Variants in SYCP2L observed in about 807,000 individuals in gnomAD.
The protein encoded by SYCP2L is synaptonemal complex protein 2-like.
A neutral mutation model predicts 125.8 loss-of-function variants in SYCP2L; 98 were observed. That is an observed-to-expected ratio of 0.78 (90% CI 0.66 to 0.92). The LOEUF is 0.92. Among genes scored for constraint, SYCP2L ranks in the 40% least tolerant of loss-of-function variants. The pLI is 0.00. For synonymous variants in SYCP2L, 317 were observed against 325.4 expected (o/e 0.97, Z 0.28); for missense variants, 842 against 936.4 (o/e 0.90, Z 1.32).
At chr6:10,918,253 A>G (rs568816904) in intron 14 of SYCP2L, among the ~76,000 whole-genome samples, 17 of 151,908 alleles carry the variant, frequency 1.1e-4, no homozygotes, top group South Asian at 4.2e-4. Flanking sequence ...TGCCTCGCCA[A>G]TGATCTTTTT....
At position 10,968,895 on chromosome 6, in the gene SYCP2L, T is replaced by G. The variant is rs558726767; in HGVS notation, c.*37+5052T>G. ...GCCCTGTGTTCTGCTGAATGGTCCATCAGCTGATGGTGGTACCACTTCGTG... is the reference window on the plus strand; with the variant it reads ...GCCCTGTGTTCTGCTGAATGGTCCAGCAGCTGATGGTGGTACCACTTCGTG... On this transcript the variant is annotated intron_variant, in intron 29 of 29. Transcript: ENST00000283141. Among the ~76,000 whole-genome samples the G allele has an allele frequency of 2.6e-5, 4 of 152,330 alleles. No individual in the cohort carries two copies. In the East Asian group the frequency reaches 7.7e-4, roughly 29 times the overall value.
At chr6:10,944,429 T>A (rs1327668194) in intron 23 of SYCP2L, among the ~76,000 whole-genome samples, 2 of 152,232 alleles carry the variant, frequency 1.3e-5, no homozygotes, top group African/African-American at 4.8e-5. Context: ...ATTATGTGGC[T>A]TGTAAATATC....
chr6:10,920,286 T>A (rs1283923389), intron 14 of SYCP2L, among the ~76,000 whole-genome samples: 1 of 152,168 alleles, frequency 6.6e-6, no homozygotes, highest in Non-Finnish European at 1.5e-5. Context: ...GGCGTGATCT[T>A]GGCTCACTGC....
intron 29 of SYCP2L, among the ~76,000 whole-genome samples, chr6:10,971,748 G>A (rs888970293): frequency 1.3e-5 from 2 of 152,002 alleles, no homozygotes; most frequent in African/African-American, 2.4e-5. Context: ...GCAGTGGCAC[G>A]ATCTTAGCTC....
rs552703062 is a variant in SYCP2L at position 10,918,146 on chromosome 6, C to T, written c.1072+5219C>T. On this transcript the variant is annotated intron_variant, in intron 14 of 29. Coordinates refer to ENST00000283141, the MANE Select transcript of SYCP2L (RefSeq NM_001040274.3). ...CCAGGAGGAGGAGTTTGCAGTGAGC[C>T]GAGATCGCGCCACCTTACTCCAGCC... 5.4e-5 allele frequency among the ~76,000 whole-genome samples: 8 copies of T among 148,860 alleles called. No homozygotes were observed. The South Asian group carries it at 8.5e-4, about 16-fold the overall frequency.
In SYCP2L at chr6:10,912,931, A is replaced by G. The variant is rs1310297449; in HGVS notation, c.1072+4A>G. On this transcript the variant is annotated splice_donor_region_variant and intron_variant, in intron 14 of 29. Coordinates refer to ENST00000283141, the MANE Select transcript of SYCP2L (RefSeq NM_001040274.3). This position sits in a 1 kb window ranked among gnomAD's most constrained non-coding sequence, Gnocchi z 4.1. ...GTGATGAATTTCAGCATAACAGGTA[A>G]TATGATACATTTAAACAACCCACGT... 2 of 1,613,076 alleles carry G rather than the reference A, an allele frequency of 1.2e-6. No homozygotes were observed. The highest frequency in any genetic ancestry group is 1.7e-6 in the Non-Finnish European group (2 of 1,179,708).
At chr6:10,906,145 T>C (rs1324663218) in intron 9 of SYCP2L, 91 bp downstream of exon 9, 7 of 715,690 alleles carry the variant, frequency 9.8e-6, no homozygotes, top group Admixed American at 2.3e-5. Context: ...GAATAAATTA[T>C]GGTTAAATTG....
intron 10 of SYCP2L, 27 bp from the exon 11 acceptor site, chr6:10,910,121 T>C: frequency 6.2e-7 from 1 of 1,602,644 alleles, no homozygotes; most frequent in Non-Finnish European, 8.5e-7. Flanking sequence ...TTTTTTTTAA[T>C]AAAAGTTTAT....
chr6:10,919,519 G>A (rs908984292), intron 14 of SYCP2L, among the ~76,000 whole-genome samples: 2 of 152,162 alleles, frequency 1.3e-5, no homozygotes, highest in African/African-American at 4.8e-5. Context: ...CTTAACTTTG[G>A]TAGTTTAATG....
intron 23 of SYCP2L, among the ~76,000 whole-genome samples, chr6:10,948,027 T>G (rs1352677193): frequency 6.6e-6 from 1 of 152,164 alleles, no homozygotes; most frequent in Non-Finnish European, 1.5e-5. Flanking sequence ...CTCCTTTGGT[T>G]TCTTTTTTTC....
At chr6:10,949,871 C>T (rs1336924356) in intron 23 of SYCP2L, among the ~76,000 whole-genome samples, 2 of 151,900 alleles carry the variant, frequency 1.3e-5, no homozygotes, top group Non-Finnish European at 2.9e-5. Context: ...ATTGTGCTTC[C>T]ATTGATATAT....
chr6:10,958,236 T>C (rs1363366203), intron 25 of SYCP2L, among the ~76,000 whole-genome samples: 1 of 152,102 alleles, frequency 6.6e-6, no homozygotes, highest in Admixed American at 6.5e-5. Context: ...AGAGGTTTAA[T>C]TAGCTCAAGG....
intron 22 of SYCP2L, 62 bp downstream of exon 22, chr6:10,942,591 A>G: frequency 6.3e-7 from 1 of 1,578,208 alleles, no homozygotes; most frequent in South Asian, 1.1e-5. Context: ...TTTGCATAAC[A>G]CATTGGCTAT....
At chr6:10,951,294 C>T (rs117621198) in intron 23 of SYCP2L, among the ~76,000 whole-genome samples, 3,616 of 152,042 alleles carry the variant, frequency 0.024, 151 homozygotes, top group East Asian at 0.2. Flanking sequence ...GGCATGGTGG[C>T]GTGTCCCTGT....
chr6:10,926,641 A>G (rs1780901504), intron 16 of SYCP2L, among the ~76,000 whole-genome samples: 2 of 152,124 alleles, frequency 1.3e-5, no homozygotes. Context: ...GACAAAGAAG[A>G]AATGATGGGG....
intron 10 of SYCP2L, 45 bp from the exon 11 acceptor site, chr6:10,910,103 A>G (rs775912192): frequency 2.6e-6 from 4 of 1,542,888 alleles, no homozygotes; most frequent in Non-Finnish European, 3.6e-6. Flanking sequence ...TAACTAAGAC[A>G]TCTTGATTTT....
intron 14 of SYCP2L, among the ~76,000 whole-genome samples, chr6:10,921,650 C>T (rs544083261): frequency 6.0e-5 from 9 of 151,202 alleles, no homozygotes; most frequent in South Asian, 2.1e-4. Flanking sequence ...TTTTTTCATA[C>T]GTTTGTTGGC....
intron 4 of SYCP2L, among the ~76,000 whole-genome samples, chr6:10,895,947 G>T (rs1204649775): frequency 6.6e-6 from 1 of 152,124 alleles, no homozygotes; most frequent in Non-Finnish European, 1.5e-5. Flanking sequence ...GAGGTCAGGG[G>T]TTCAAGACCA....
At chr6:10,924,817 A>G (rs1780869504) in intron 15 of SYCP2L, among the ~76,000 whole-genome samples, 176 bp downstream of exon 15, 1 of 152,124 alleles carries the variant, frequency 6.6e-6, no homozygotes, top group Non-Finnish European at 1.5e-5. Flanking sequence ...TTCCCTTTTG[A>G]TGGGTCATTG....
Sources: allele counts gnomAD v4.1 joint callset (sites outside exome capture counted in the v4.1 genomes callset), GRCh38; gene constraint gnomAD v4.1.1; non-coding constraint Gnocchi (gnomAD v3.1); transcripts MANE v1.5; gene names NCBI Gene and HGNC (gene_info 2026-07-23, HGNC 2026-07-21).